SRGAP1: variants seen among roughly 807,000 people sequenced by gnomAD.
The protein encoded by SRGAP1 is SLIT-ROBO Rho GTPase-activating protein 1.
In SRGAP1, 43 loss-of-function variants were observed where a neutral mutation model predicts 121.9. That is an observed-to-expected ratio of 0.35 (90% confidence interval 0.28 to 0.46). SRGAP1 has a LOEUF of 0.46. Ranked by LOEUF, SRGAP1 falls within the 20% of genes least tolerant of loss-of-function variation. The probability of loss-of-function intolerance (pLI) is 1.00; values close to 1 mark genes in which losing one functional copy is unlikely to be tolerated. For synonymous variants in SRGAP1, 447 were observed against 485.4 expected (o/e 0.92, Z 1.04); for missense variants, 1,102 against 1,350.9 (o/e 0.82, Z 2.89).
intron 4 of SRGAP1, among the ~76,000 whole-genome samples, chr12:64,027,794 T>C (rs962715158): frequency 3.3e-5 from 5 of 151,638 alleles, no homozygotes; most frequent in African/African-American, 1.2e-4. Flanking sequence ...GAGTGAGATG[T>C]ATTGAATTAG....
At chr12:64,056,549 C>CAAAAA (rs1273579087) in intron 6 of SRGAP1, among the ~76,000 whole-genome samples, 1 of 60,048 alleles carries the variant, frequency 1.7e-5, no homozygotes, top group Non-Finnish European at 3.7e-5. Context: ...TGAGACTCCA[C>CAAAAA]AAAAAAAAAA....
intron 1 of SRGAP1, among the ~76,000 whole-genome samples, chr12:63,863,264 CTCTTTTTTTT>C (rs1899514147): frequency 6.8e-6 from 1 of 148,124 alleles, no homozygotes; most frequent in South Asian, 2.1e-4. Flanking sequence ...CAAAAGGTTG[CTCTTTTTTTT>C]TCTTTTTTTT....
At chr12:64,019,340 G>A (rs1322151151) in intron 4 of SRGAP1, among the ~76,000 whole-genome samples, 1 of 152,132 alleles carries the variant, frequency 6.6e-6, no homozygotes, top group African/African-American at 2.4e-5. Context: ...AAAGAGTCAG[G>A]TTCTACCAAA....
chr12:64,066,656 CTAT>C (rs1203876289), intron 8 of SRGAP1, among the ~76,000 whole-genome samples: 1 of 152,068 alleles, frequency 6.6e-6, no homozygotes, highest in Non-Finnish European at 1.5e-5. Context: ...TTTTTGGCTT[CTAT>C]TATTCCGAGT....
chr12:63,869,715 CA>C (rs1372682063), intron 1 of SRGAP1, among the ~76,000 whole-genome samples: 1 of 152,110 alleles, frequency 6.6e-6, no homozygotes, highest in Non-Finnish European at 1.5e-5. Flanking sequence ...TAATCGAATC[CA>C]AAATGCCTGA....
chr12:63,907,339 C>G (rs2030262462), intron 1 of SRGAP1, among the ~76,000 whole-genome samples: 1 of 151,934 alleles, frequency 6.6e-6, no homozygotes, highest in African/African-American at 2.4e-5. Flanking sequence ...GAGTTCGAGA[C>G]CAGCTTGGCC....
chr12:64,000,722 A>G (rs2033865069), intron 3 of SRGAP1, among the ~76,000 whole-genome samples: 2 of 152,246 alleles, frequency 1.3e-5, no homozygotes, highest in African/African-American at 2.4e-5. Flanking sequence ...CCAAGGGGGC[A>G]GGTAATGGGA....
intron 1 of SRGAP1, among the ~76,000 whole-genome samples, chr12:63,869,084 C>T (rs17765594): frequency 0.017 from 2,545 of 152,276 alleles, 35 homozygotes; most frequent in Non-Finnish European, 0.027. Context: ...ATATATGTAT[C>T]GTGTTAAGAC....
intron 3 of SRGAP1, among the ~76,000 whole-genome samples, chr12:64,008,163 A>G (rs2034143842): frequency 6.6e-6 from 1 of 152,204 alleles, no homozygotes; most frequent in Non-Finnish European, 1.5e-5. Context: ...TTTACAGCGG[A>G]AACAGCTCAG....
chr12:63,873,821 A>G (rs1045594159), intron 1 of SRGAP1, among the ~76,000 whole-genome samples: 4 of 151,710 alleles, frequency 2.6e-5, no homozygotes, highest in African/African-American at 7.3e-5. Context: ...GGTGCCTGCT[A>G]TCTTCAAGAC....
intron 1 of SRGAP1, among the ~76,000 whole-genome samples, chr12:63,862,309 C>T (rs142397290): frequency 3.9e-5 from 6 of 152,234 alleles, no homozygotes; most frequent in African/African-American, 1.4e-4. Context: ...TGACACTAGG[C>T]CCTGCGGGGG....
chr12:63,963,526 C>A lies in SRGAP1; in HGVS notation c.68-20421C>A, dbSNP rs138495976. ...CATAGCTGTCACCTCAAACATTTAT[C>A]ATTTCTTCGTGTTGGGAACATTCAG... On this transcript the variant is annotated intron_variant, in intron 1 of 21. Coordinates refer to ENST00000355086, the MANE Select transcript of SRGAP1 (RefSeq NM_020762.4). Among the ~76,000 whole-genome samples, 277 of 152,308 alleles carry A rather than the reference C, an allele frequency of 1.8e-3. 2 individuals carry two copies. The highest frequency in any genetic ancestry group is 6.3e-3 in the African/African-American group (260 of 41,570).
intron 4 of SRGAP1, among the ~76,000 whole-genome samples, chr12:64,039,839 G>A (rs1218352703): frequency 1.3e-5 from 2 of 152,090 alleles, no homozygotes; most frequent in African/African-American, 2.4e-5. Context: ...TTTCCCAGCT[G>A]CTCAGCTGCT....
At chr12:64,002,722 T>A (rs1394265821) in intron 3 of SRGAP1, among the ~76,000 whole-genome samples, 1 of 152,154 alleles carries the variant, frequency 6.6e-6, no homozygotes, top group Non-Finnish European at 1.5e-5. Context: ...CAGATAGCAC[T>A]GCAAAGGTGT....
At chr12:64,043,842 C>T (rs1291843984) in intron 6 of SRGAP1, among the ~76,000 whole-genome samples, 2 of 152,168 alleles carry the variant, frequency 1.3e-5, no homozygotes, top group African/African-American at 2.4e-5. Flanking sequence ...TTAGCTAAGA[C>T]AGGGCCCAGT....
chr12:63,946,280 CTTCT>C (rs2032042949), intron 1 of SRGAP1, among the ~76,000 whole-genome samples: 1 of 149,586 alleles, frequency 6.7e-6, no homozygotes, highest in East Asian at 2.0e-4. Flanking sequence ...TTATGAATGG[CTTCT>C]TTTTTTTTCT....
intron 6 of SRGAP1, among the ~76,000 whole-genome samples, chr12:64,061,220 A>G (rs1310466321): frequency 6.6e-6 from 1 of 152,236 alleles, no homozygotes; most frequent in Non-Finnish European, 1.5e-5. Flanking sequence ...TCCTAGGAAT[A>G]CTAAATGAAA....
At position 64,157,056 on chromosome 12, in the gene SRGAP1, T is replaced by C. The variant is rs2064533510; in HGVS notation, c.*14384T>C. On this transcript the variant is annotated 3_prime_UTR_variant, in exon 22 of 22. Transcript: ENST00000355086. ...GCATTCTTGGCAGGAGAAAGGGTGT[T>C]ACATGGAAAGATCAGCGATAGTACA... The C allele has an allele frequency of 6.6e-6, 1 of 152,016 alleles. No individual in the cohort carries two copies. 9.4% of individuals were successfully genotyped at this position (152,016 alleles called of 1,614,324 possible).
chr12:63,885,915 C>T (rs1900365570), intron 1 of SRGAP1, among the ~76,000 whole-genome samples: 1 of 152,162 alleles, frequency 6.6e-6, no homozygotes, highest in African/African-American at 2.4e-5. Flanking sequence ...TATGTAGAAT[C>T]ATCGGTGGGA....
Sources: gnomAD v4.1 joint callset for allele counts (sites outside exome capture counted in the v4.1 genomes callset) on GRCh38, gnomAD v4.1.1 for gene constraint, MANE v1.5 for transcripts, NCBI Gene and HGNC (gene_info 2026-07-23, HGNC 2026-07-21) for gene names.